Variants in DLG2 observed in about 807,000 individuals in gnomAD.
The protein encoded by DLG2 is discs large MAGUK scaffold protein 2.
DLG2 carries 45 observed loss-of-function variants against 132.5 expected under a neutral mutation model. The observed-to-expected ratio is 0.34, with a 90% CI of 0.27 to 0.44. The LOEUF is 0.44. Ranked by LOEUF, DLG2 falls within the 20% of genes least tolerant of loss-of-function variation. DLG2 has a pLI of 1.00. For synonymous variants in DLG2, 424 were observed against 419.6 expected (o/e 1.01, Z -0.13); for missense variants, 1,045 against 1,196.9 (o/e 0.87, Z 1.87).
intron 11 of DLG2, among the ~76,000 whole-genome samples, chr11:84,036,691 TC>T (rs1415393824): frequency 6.6e-6 from 1 of 152,100 alleles, no homozygotes; most frequent in Non-Finnish European, 1.5e-5. Context: ...TATAAGAAAA[TC>T]TTCCAGCTAA....
intron 6 of DLG2, among the ~76,000 whole-genome samples, chr11:85,059,048 C>T (rs1392970446): frequency 1.3e-5 from 2 of 150,696 alleles, no homozygotes; most frequent in East Asian, 1.9e-4. Flanking sequence ...CAAAAGTCGC[C>T]GTTAGAAAAA....
intron 3 of DLG2, among the ~76,000 whole-genome samples, chr11:85,313,767 A>C (rs757042655): frequency 1.9e-4 from 29 of 151,936 alleles, no homozygotes; most frequent in African/African-American, 7.0e-4. Context: ...AAGTTTATGT[A>C]TCTCTCTTTT....
At chr11:85,429,102 C>T (rs940027860) in intron 3 of DLG2, among the ~76,000 whole-genome samples, 1 of 152,120 alleles carries the variant, frequency 6.6e-6, no homozygotes, top group African/African-American at 2.4e-5. Context: ...TCTCAATAGA[C>T]CAATAACAGG....
At chr11:83,652,746 G>C (rs1324102998) in intron 18 of DLG2, among the ~76,000 whole-genome samples, 1 of 152,110 alleles carries the variant, frequency 6.6e-6, no homozygotes, top group East Asian at 1.9e-4. Flanking sequence ...CCTGAGGGTA[G>C]CCCTTCTGTG....
intron 19 of DLG2, among the ~76,000 whole-genome samples, chr11:83,628,393 C>A (rs1384608201): frequency 6.6e-6 from 1 of 152,156 alleles, no homozygotes; most frequent in Non-Finnish European, 1.5e-5. Flanking sequence ...TTCTACCTGG[C>A]AGAAGCTAGC....
At chr11:84,604,132 A>G (rs1039257689) in intron 6 of DLG2, among the ~76,000 whole-genome samples, 2 of 151,960 alleles carry the variant, frequency 1.3e-5, no homozygotes, top group South Asian at 2.1e-4. Flanking sequence ...AGCAAAAATA[A>G]CTTGACTAAG....
intron 6 of DLG2, among the ~76,000 whole-genome samples, chr11:84,719,847 A>T (rs775530370): frequency 1.3e-5 from 2 of 152,178 alleles, no homozygotes; most frequent in African/African-American, 4.8e-5. Flanking sequence ...TGTTTATCTT[A>T]AAAAATGTCA....
intron 4 of DLG2, among the ~76,000 whole-genome samples, chr11:85,260,373 C>G (rs1363571125): frequency 6.6e-6 from 1 of 152,088 alleles, no homozygotes; most frequent in African/African-American, 2.4e-5. Flanking sequence ...GATTGTTAAA[C>G]AGTTATTCCT....
chr11:83,565,436 C>T (rs553640726), intron 19 of DLG2, among the ~76,000 whole-genome samples: 14 of 152,280 alleles, frequency 9.2e-5, no homozygotes, highest in African/African-American at 3.4e-4. Flanking sequence ...TTATTAAGCC[C>T]TTGTGCAGTT....
rs781044643 is a variant in DLG2, at chr11:83,945,991, CTCTTT to C, written c.1341-15513_1341-15509del. Among the ~76,000 whole-genome samples the C allele has an allele frequency of 1.7e-4, 20 of 116,502 alleles. 1 individual carries two copies. Among genetic ancestry groups the C allele is most frequent in the African/African-American group, 5.2e-4 (13 of 25,096 alleles). The allele number at this position is 116,502 out of a possible 152,430, so 76.4% of individuals were successfully genotyped here. ...CTTTTCTCTTTCTCTTTCTCTCTCTCTCTTTTTTTTTTTTTTTTGACAGAGTCTCA... is the reference window on the plus strand; with the variant it reads ...CTTTTCTCTTTCTCTTTCTCTCTCTCTTTTTTTTTTTTTGACAGAGTCTCA... On this transcript the variant is annotated intron_variant, in intron 14 of 27. Transcript: ENST00000376104.
chr11:84,172,647 A>G (rs2095851627), intron 8 of DLG2, among the ~76,000 whole-genome samples: 1 of 151,802 alleles, frequency 6.6e-6, no homozygotes, highest in Non-Finnish European at 1.5e-5. Flanking sequence ...AGTTCAACCA[A>G]TTCTCCTGCC....
intron 3 of DLG2, among the ~76,000 whole-genome samples, chr11:85,497,350 G>C (rs1026344439): frequency 2.0e-5 from 3 of 150,924 alleles, no homozygotes; most frequent in African/African-American, 7.3e-5. Context: ...TGAACTCATT[G>C]AAAAAAACAA....
chr11:85,319,129 T>C (rs892078082), intron 3 of DLG2, among the ~76,000 whole-genome samples: 3 of 151,940 alleles, frequency 2.0e-5, no homozygotes, highest in African/African-American at 7.2e-5. Context: ...TACTTCAGGA[T>C]AATGTGAAGC....
chr11:85,402,777 C>A (rs540692015), intron 3 of DLG2, among the ~76,000 whole-genome samples: 78 of 152,260 alleles, frequency 5.1e-4, no homozygotes, highest in African/African-American at 1.8e-3. Flanking sequence ...AAATGCAAAT[C>A]AAAATCACAA....
At chr11:84,816,981 A>G (rs1441535440) in intron 6 of DLG2, among the ~76,000 whole-genome samples, 1 of 152,000 alleles carries the variant, frequency 6.6e-6, no homozygotes. Flanking sequence ...CCCATTACCC[A>G]TTTTATTACC....
At chr11:85,261,278 G>T (rs532290163) in intron 4 of DLG2, among the ~76,000 whole-genome samples, 36 of 152,260 alleles carry the variant, frequency 2.4e-4, no homozygotes, top group Non-Finnish European at 4.6e-4. Context: ...ACAGAATGTT[G>T]TGCTAGTTGT....
At chr11:84,578,006 G>A (rs2099506714) in intron 6 of DLG2, among the ~76,000 whole-genome samples, 1 of 152,222 alleles carries the variant, frequency 6.6e-6, no homozygotes, top group Non-Finnish European at 1.5e-5. Flanking sequence ...TACACAGGCT[G>A]TGGCTTCAGA....
chr11:83,492,128 T>A (rs1371890598), intron 21 of DLG2, among the ~76,000 whole-genome samples: 1 of 152,072 alleles, frequency 6.6e-6, no homozygotes, highest in African/African-American at 2.4e-5. Flanking sequence ...ACAGAAAAAG[T>A]TTCCTGGCTA....
At chr11:83,587,018 T>C (rs504916) in intron 19 of DLG2, among the ~76,000 whole-genome samples, 1,722 of 152,302 alleles carry the variant, frequency 0.011, 14 homozygotes, top group South Asian at 0.021. Context: ...CTCCTCTTCT[T>C]CTAGTTATGT....
Sources: gnomAD v4.1 joint callset for allele counts (sites outside exome capture counted in the v4.1 genomes callset) on GRCh38, gnomAD v4.1.1 for gene constraint, MANE v1.5 for transcripts, NCBI Gene and HGNC (gene_info 2026-07-23, HGNC 2026-07-21) for gene names.